The following TBRG1 variants were observed in gnomAD, a reference collection of about 807,000 sequenced individuals.
TBRG1 encodes the protein transforming growth factor beta regulator 1, also known as nuclear interactor of ARF and MDM2.
TBRG1 carries 31 observed loss-of-function variants against 44.0 expected under a neutral mutation model. The ratio of observed to expected loss-of-function variants is 0.70; its 90% confidence interval spans 0.53 to 0.95. TBRG1 has a LOEUF of 0.95. Ranked by LOEUF, TBRG1 falls within the 40% of genes least tolerant of loss-of-function variation. The pLI is 0.00. For missense variants in TBRG1, 487 were observed against 496.1 expected, an observed-to-expected ratio of 0.98 and a Z score of 0.18; for synonymous variants, 171 against 188.1, an observed-to-expected ratio of 0.91 and a Z score of 0.74.
rs1228649725 is a variant in TBRG1, at chr11:124,626,975, A to G, written c.663A>G (p.Ile221Met). 3 of 1,590,156 alleles carry G rather than the reference A, an allele frequency of 1.9e-6. No individual in the cohort carries two copies. Among genetic ancestry groups the G allele is most frequent in the African/African-American group, 2.7e-5 (2 of 74,558 alleles). Residue 221 changes from isoleucine (I) to methionine (M), a missense_variant, in exon 5 of 9, where the codon ATA becomes ATG. Physicochemically the swap from Ile to Met is conservative, Grantham distance 10. Transcript: ENST00000441174. ...CCGTGGGCTATTGCAGTACTCGAAT[A>G]TATGCCAGCATGAAGTGCCCAGACC... ...IYPVGYCSTR[I>M]YASMKCPDQK... is the part of the protein sequence containing the mutation.
chr11:124,630,915 G>C, intron 7 of TBRG1, 60 bp downstream of exon 7: 1 of 1,225,526 alleles, frequency 8.2e-7, no homozygotes, highest in South Asian at 1.3e-5. Flanking sequence ...GCCAGGGACT[G>C]GCAGTTCCTA....
chr11:124,628,070 TA>T (rs1565400402), intron 5 of TBRG1, among the ~76,000 whole-genome samples: 27 of 33,146 alleles, frequency 8.1e-4, no homozygotes, highest in South Asian at 7.1e-3. Context: ...CTGTTTTATA[TA>T]TATATATATA....
At chr11:124,629,211 C>T (rs553387464) in intron 5 of TBRG1, among the ~76,000 whole-genome samples, 17 of 152,214 alleles carry the variant, frequency 1.1e-4, no homozygotes, top group African/African-American at 3.6e-4. Context: ...TGGTGGCGTG[C>T]GCCTGTAGTC....
At chr11:124,623,988 G>T (rs1180789010) in intron 1 of TBRG1, among the ~76,000 whole-genome samples, 3 of 152,178 alleles carry the variant, frequency 2.0e-5, no homozygotes, top group Non-Finnish European at 4.4e-5. Context: ...AAGCTTGAAC[G>T]TCTCTCAGCA....
In TBRG1 at chr11:124,633,585, T is replaced by C. The variant is rs1942656399; in HGVS notation, c.*1347T>C. On this transcript the variant is annotated 3_prime_UTR_variant, in exon 9 of 9. Coordinates refer to ENST00000441174, the MANE Select transcript of TBRG1 (RefSeq NM_032811.3). ...GAGGGAGGGATCAGGCAGCAGTGTT[T>C]AGAGCACACCACACTGGCCACTGTA... The C allele has an allele frequency of 6.6e-6, 1 of 152,264 alleles. No individual in the cohort carries two copies. The highest frequency in any genetic ancestry group is 1.5e-5 in the Non-Finnish European group (1 of 68,064). 9.4% of individuals were successfully genotyped at this position (152,264 alleles called of 1,614,324 possible).
intron 5 of TBRG1, chr11:124,629,970 G>A (rs7112299): frequency 0.036 from 5,683 of 156,690 alleles, 163 homozygotes; most frequent in African/African-American, 0.081. Flanking sequence ...ATATTTTAAC[G>A]TTCAAAATGA....
At position 124,631,969 on chromosome 11, in the gene TBRG1, C is replaced by G. The variant is rs1320079226; in HGVS notation, c.1091-124C>G. 6 of 815,094 alleles carry G rather than the reference C, an allele frequency of 7.4e-6. No homozygotes were observed. In the African/African-American group the frequency reaches 1.0e-4, roughly 14 times the overall value. 50.5% of individuals were successfully genotyped at this position (815,094 alleles called of 1,614,324 possible). On this transcript the variant is annotated intron_variant, in intron 8 of 8. Coordinates refer to ENST00000441174, the MANE Select transcript of TBRG1 (RefSeq NM_032811.3). ...AGTATCTGTCCTATCTTAACAAAGG[C>G]AAAATTGAGCTGACAAATGCAAGGG... is the stretch of plus-strand genomic sequence containing the variant.
chr11:124,622,908 G>T lies in TBRG1; in HGVS notation c.-176G>T, dbSNP rs1942369073. 2 of 647,820 alleles carry T rather than the reference G, an allele frequency of 3.1e-6. No homozygotes were observed. The highest frequency in any genetic ancestry group is 5.0e-6 in the Non-Finnish European group (2 of 396,186). The allele number at this position is 647,820 out of a possible 1,614,324, so 40.1% of individuals were successfully genotyped here. A position where few individuals can be genotyped will look rare whatever the true frequency, so the allele number is the denominator to read the frequency against. ...AAGTGCTGGGAGGCGCCGGGAGCCCGTTCGGTTGCGGGTGTCTCTGGCCCT... is the reference window on the plus strand; with the variant it reads ...AAGTGCTGGGAGGCGCCGGGAGCCCTTTCGGTTGCGGGTGTCTCTGGCCCT... On this transcript the variant is annotated 5_prime_UTR_variant, in exon 1 of 9. Transcript: ENST00000441174.
chr11:124,627,670 T>C lies in TBRG1; in HGVS notation c.738+620T>C, dbSNP rs566060488. 1.2e-3 allele frequency among the ~76,000 whole-genome samples: 187 copies of C among 152,228 alleles called. 1 individual carries two copies. Among genetic ancestry groups the C allele is most frequent in the South Asian group, 9.3e-3 (45 of 4,818 alleles). On this transcript the variant is annotated intron_variant, in intron 5 of 8. Transcript: ENST00000441174. ...GGAAGTAGAGGCAAGGTAAGGAACC[T>C]TTGAGCAGAAGCTGGGAGAACCCTG... is the stretch of plus-strand genomic sequence containing the variant.
Position 124,635,901 on chromosome 11 carries a change from TAAAC to T in TBRG1, c.*3669_*3672del, listed in dbSNP as rs934513696. The T allele has an allele frequency of 6.6e-5, 10 of 152,240 alleles. No individual in the cohort carries two copies. Among genetic ancestry groups the T allele is most frequent in the Admixed American group, 2.6e-4 (4 of 15,294 alleles). 9.4% of individuals were successfully genotyped at this position (152,240 alleles called of 1,614,324 possible). A position where few individuals can be genotyped will look rare whatever the true frequency, so the allele number is the denominator to read the frequency against. The stretch of plus-strand genomic sequence containing the variant: ...CAGTAAACTGCATTAAGATTCTTAA[TAAAC>T]AAACACTGAAGGCCTCTTTCATATT... On this transcript the variant is annotated 3_prime_UTR_variant, in exon 9 of 9. Transcript: ENST00000441174.
intron 2 of TBRG1, among the ~76,000 whole-genome samples, chr11:124,625,350 C>T (rs1013438445): frequency 1.3e-5 from 2 of 152,248 alleles, no homozygotes; most frequent in African/African-American, 4.8e-5. Context: ...AATATTTATT[C>T]TGTACGTACT....
rs766864102 is a variant in TBRG1, at chr11:124,632,101, G to GAC, written c.1100_1101dup (p.Leu368ThrfsTer19). 2 of 1,613,604 alleles carry GAC rather than the reference G, an allele frequency of 1.2e-6. No homozygotes were observed. Among genetic ancestry groups the GAC allele is most frequent in the Non-Finnish European group, 1.7e-6 (2 of 1,179,650 alleles). ...GGAATTGTTTTCTCCAGGATCCTTG[G>GAC]ACCTCCCAGAGCTTCAGCCTGCAGC... On this transcript the variant is annotated frameshift_variant, in exon 9 of 9. Transcript: ENST00000441174. LOFTEE classifies it high-confidence loss of function.
chr11:124,626,799 G>A, intron 4 of TBRG1, 105 bp from the exon 5 acceptor site: 1 of 1,523,614 alleles, frequency 6.6e-7, no homozygotes, highest in Non-Finnish European at 8.9e-7. Context: ...TGTGTGATTT[G>A]TCACTCTTTG....
chr11:124,623,383 C>A (rs540063682), intron 1 of TBRG1, 150 bp downstream of exon 1: 5 of 864,300 alleles, frequency 5.8e-6, no homozygotes, highest in Non-Finnish European at 9.4e-6. Context: ...TGTCCTTGGA[C>A]AAATTACGTA....
At chr11:124,631,222 G>C in intron 7 of TBRG1, 53 bp from the exon 8 acceptor site, 2 of 1,493,918 alleles carry the variant, frequency 1.3e-6, no homozygotes. Flanking sequence ...GATAGGAATG[G>C]GTATTTATGT....
At chr11:124,631,496 C>G in intron 8 of TBRG1, 79 bp downstream of exon 8, 1 of 1,397,978 alleles carries the variant, frequency 7.2e-7, no homozygotes, top group Non-Finnish European at 1.0e-6. Context: ...TAGCCGAGTA[C>G]CCTAAATATC....
At position 124,627,001 on chromosome 11, in the gene TBRG1, A is replaced by T. The variant is rs1385510162; in HGVS notation, c.689A>T (p.Gln230Leu). 1.9e-6 allele frequency: 3 copies of T among 1,565,572 alleles called. No homozygotes were observed. In the African/African-American group the frequency reaches 4.1e-5, roughly 21 times the overall value. The change falls in exon 5 of 9, where the codon CAG (glutamine) becomes CTG (leucine). Residue 230 changes from glutamine to leucine, a missense_variant. Transcript: ENST00000441174. ...RIYASMKCPD[Q>L]KCLYTCQIKD... ...TATGCCAGCATGAAGTGCCCAGACC[A>T]GAAGTGTCTATATACCTGTCAGATC...
chr11:124,622,919 G>A lies in TBRG1; in HGVS notation c.-165G>A, dbSNP rs896922991. 1 of 711,264 alleles carries A rather than the reference G, an allele frequency of 1.4e-6. No homozygotes were observed. Among genetic ancestry groups the A allele is most frequent in the Non-Finnish European group, 2.2e-6 (1 of 451,128 alleles). 44.1% of individuals were successfully genotyped at this position (711,264 alleles called of 1,614,324 possible). A position where few individuals can be genotyped will look rare whatever the true frequency, so the allele number is the denominator to read the frequency against. On this transcript the variant is annotated 5_prime_UTR_variant, in exon 1 of 9. Transcript: ENST00000441174. ...GGCGCCGGGAGCCCGTTCGGTTGCG[G>A]GTGTCTCTGGCCCTGCGGTCAGCCC...
rs1942492743 is a variant in TBRG1, at chr11:124,627,048, C to T, written c.736C>T (p.Gln246Ter). 6.5e-7 allele frequency: 1 copy of T among 1,537,372 alleles called. No homozygotes were observed. Among genetic ancestry groups the T allele is most frequent in the African/African-American group, 1.4e-5 (1 of 72,756 alleles). The change falls in exon 5 of 9, where the codon CAG becomes TAG. Residue 246 changes from glutamine (Q) to a stop codon, truncating the protein, a stop_gained and splice_region_variant. Coordinates refer to ENST00000441174, the MANE Select transcript of TBRG1 (RefSeq NM_032811.3). LOFTEE classifies it high-confidence loss of function. ...CQIKDGGVQP[Q>*]FEIVPEDDPQ... ...GATCAAGGATGGTGGTGTGCAGCCT[C>T]AGGTACCCCCTCTAATAATAACCAC...
Sources: allele counts gnomAD v4.1 joint callset (sites outside exome capture counted in the v4.1 genomes callset), GRCh38; gene constraint gnomAD v4.1.1; transcripts MANE v1.5; gene names NCBI Gene and HGNC (gene_info 2026-07-23, HGNC 2026-07-21).